The following PHACTR4 variants were observed in gnomAD, a reference collection of about 807,000 sequenced individuals.
PHACTR4 encodes protein phosphatase 1, regulatory subunit 124.
In PHACTR4, 51 loss-of-function variants were observed where a neutral mutation model predicts 72.7. The ratio of observed to expected loss-of-function variants is 0.70; its 90% CI spans 0.56 to 0.89. The LOEUF (loss-of-function observed/expected upper bound fraction) is 0.89. Among genes scored for constraint, PHACTR4 ranks in the 40% least tolerant of loss-of-function variants. The pLI is 0.00. For synonymous variants in PHACTR4, 255 were observed against 302.5 expected (o/e 0.84, Z 1.63); for missense variants, 731 against 861.8 (o/e 0.85, Z 1.90).
At chr1:28,376,174 C>CT (rs923424770) in intron 1 of PHACTR4, among the ~76,000 whole-genome samples, 2 of 151,572 alleles carry the variant, frequency 1.3e-5, no homozygotes, top group African/African-American at 2.4e-5. Context: ...CTTTCTTTTT[C>CT]TTTTTTTTCA....
At chr1:28,467,006 A>C (rs1464101571) in intron 6 of PHACTR4, 5 of 447,474 alleles carry the variant, frequency 1.1e-5, no homozygotes, top group Non-Finnish European at 2.0e-5. Flanking sequence ...CAAGGTCAGG[A>C]GATTGAGACC....
chr1:28,436,596 C>T (rs1656651899), intron 2 of PHACTR4, among the ~76,000 whole-genome samples: 1 of 152,104 alleles, frequency 6.6e-6, no homozygotes, highest in Non-Finnish European at 1.5e-5. Flanking sequence ...ATATATTACT[C>T]AGAATTGTTA....
chr1:28,462,757 T>C (rs1658905715), intron 4 of PHACTR4, among the ~76,000 whole-genome samples: 1 of 152,208 alleles, frequency 6.6e-6, no homozygotes, highest in Non-Finnish European at 1.5e-5. Flanking sequence ...GTTGCAGCCA[T>C]TGGACAAGAT....
chr1:28,488,068 G>A (rs1442928843), intron 9 of PHACTR4, among the ~76,000 whole-genome samples: 1 of 152,006 alleles, frequency 6.6e-6, no homozygotes, highest in Admixed American at 6.6e-5. Flanking sequence ...TAACATCTCA[G>A]AACTGTGATG....
intron 2 of PHACTR4, among the ~76,000 whole-genome samples, chr1:28,444,579 G>T (rs1267896912): frequency 2.7e-5 from 4 of 150,262 alleles, no homozygotes; most frequent in African/African-American, 7.3e-5. Flanking sequence ...CAGATCATTT[G>T]GTCTTTCCCA....
At chr1:28,491,924 T>C (rs1661063798) in intron 12 of PHACTR4, 137 bp downstream of exon 12, 2 of 1,141,530 alleles carry the variant, frequency 1.8e-6, no homozygotes, top group African/African-American at 1.6e-5. Flanking sequence ...CAAATCAAGA[T>C]ACAAAATGCC....
rs547981841 is a variant in PHACTR4, at chr1:28,495,610, T to C, written c.2094-924T>C. ...TTAGGGGGGATTTTATTTTTATTTA[T>C]TTATTTTTTTTTTTTTTATTTTTTG... On this transcript the variant is annotated intron_variant, in intron 13 of 13. Coordinates refer to ENST00000373839, the MANE Select transcript of PHACTR4 (RefSeq NM_001048183.3). Among the ~76,000 whole-genome samples the C allele has an allele frequency of 1.3e-4, 19 of 144,386 alleles. No individual in the cohort carries two copies. The East Asian group carries it at 3.3e-3, about 25-fold the overall frequency. 94.7% of individuals were successfully genotyped at this position (144,386 alleles called of 152,430 possible).
At chr1:28,428,474 C>T (rs1656014465) in intron 2 of PHACTR4, among the ~76,000 whole-genome samples, 1 of 152,190 alleles carries the variant, frequency 6.6e-6, no homozygotes. Flanking sequence ...GAGAAAGCAA[C>T]AAGGCAGAAT....
At chr1:28,448,478 C>T (rs550886635) in intron 2 of PHACTR4, among the ~76,000 whole-genome samples, 91 of 150,684 alleles carry the variant, frequency 6.0e-4, no homozygotes, top group African/African-American at 2.1e-3. Flanking sequence ...GGTGGCCGGG[C>T]GCTGTGTCTT....
chr1:28,430,593 G>A (rs1017216178), intron 2 of PHACTR4, among the ~76,000 whole-genome samples: 6 of 152,156 alleles, frequency 3.9e-5, no homozygotes, highest in Non-Finnish European at 7.3e-5. Flanking sequence ...ATATTCAGAG[G>A]TTGAAAATTA....
chr1:28,479,675 C>T (rs1660153842), intron 8 of PHACTR4, among the ~76,000 whole-genome samples: 1 of 151,656 alleles, frequency 6.6e-6, no homozygotes, highest in South Asian at 2.1e-4. Flanking sequence ...CACCTGAGGT[C>T]AGGAGTTCAA....
At chr1:28,372,737 A>G (rs186369342) in intron 1 of PHACTR4, among the ~76,000 whole-genome samples, 3 of 151,944 alleles carry the variant, frequency 2.0e-5, no homozygotes, top group African/African-American at 7.2e-5. Flanking sequence ...CTGTAATCCC[A>G]GCTACTTGGG....
At chr1:28,415,166 CAGG>C (rs1212520095) in intron 2 of PHACTR4, among the ~76,000 whole-genome samples, 2 of 151,132 alleles carry the variant, frequency 1.3e-5, no homozygotes, top group Non-Finnish European at 2.9e-5. Flanking sequence ...GAGGCTGAGG[CAGG>C]AGAATTGCTT....
chr1:28,389,612 G>A (rs1652840948), intron 1 of PHACTR4, among the ~76,000 whole-genome samples: 1 of 151,956 alleles, frequency 6.6e-6, no homozygotes, highest in Admixed American at 6.6e-5. Flanking sequence ...CGAGTAGCTG[G>A]GACGACGGGC....
At chr1:28,487,625 A>G (rs1372301604) in intron 9 of PHACTR4, among the ~76,000 whole-genome samples, 1 of 151,116 alleles carries the variant, frequency 6.6e-6, no homozygotes, top group South Asian at 2.1e-4. Context: ...AAATTTTGCA[A>G]GTACTAGCTA....
intron 1 of PHACTR4, among the ~76,000 whole-genome samples, chr1:28,382,728 G>C (rs754402609): frequency 6.6e-6 from 1 of 152,122 alleles, no homozygotes; most frequent in Non-Finnish European, 1.5e-5. Flanking sequence ...TTTGTATATA[G>C]AGTAAGGAAG....
chr1:28,392,230 C>T (rs186026004), intron 1 of PHACTR4, among the ~76,000 whole-genome samples: 43 of 152,110 alleles, frequency 2.8e-4, no homozygotes, highest in Admixed American at 1.4e-3. Flanking sequence ...TCTCTTTGCT[C>T]GGTGTCTCCA....
intron 9 of PHACTR4, among the ~76,000 whole-genome samples, chr1:28,480,991 A>G (rs1660246018): frequency 6.6e-6 from 1 of 151,410 alleles, no homozygotes; most frequent in South Asian, 2.1e-4. Flanking sequence ...CCTAGTCTAT[A>G]TGTTTACTTT....
intron 1 of PHACTR4, among the ~76,000 whole-genome samples, chr1:28,396,845 C>CTTTCTTTTTTTTTTT: frequency 8.4e-6 from 1 of 119,666 alleles, no homozygotes; most frequent in East Asian, 2.5e-4. Flanking sequence ...TTCTTTCTTT[C>CTTTCTTTTTTTTTTT]TTTTTTTTTT....
Sources: allele counts gnomAD v4.1 joint callset (sites outside exome capture counted in the v4.1 genomes callset), GRCh38; gene constraint gnomAD v4.1.1; transcripts MANE v1.5; gene names NCBI Gene and HGNC (gene_info 2026-07-23, HGNC 2026-07-21).